The following HDAC4 variants were observed in gnomAD, a reference collection of about 807,000 sequenced individuals.
HDAC4 encodes histone deacetylase 4, also known as histone deacetylase A.
A neutral mutation model predicts 135.1 loss-of-function variants in HDAC4; 16 were observed. The ratio of observed to expected loss-of-function variants is 0.12; its 90% CI spans 0.08 to 0.18. The LOEUF (loss-of-function observed/expected upper bound fraction) is 0.18. HDAC4 is among the 10% of genes least tolerant of loss of function. The probability of loss-of-function intolerance (pLI) is 1.00; values close to 1 mark genes in which losing one functional copy is unlikely to be tolerated. For missense variants in HDAC4, 1,143 were observed against 1,511.8 expected (o/e 0.76, Z 4.05); for synonymous variants, 685 against 653.4 (o/e 1.05, Z -0.74).
At chr2:239,222,557 G>A (rs1329259725) in intron 3 of HDAC4, among the ~76,000 whole-genome samples, 1 of 146,522 alleles carries the variant, frequency 6.8e-6, no homozygotes, top group Non-Finnish European at 1.5e-5. Flanking sequence ...AAAAAAAATG[G>A]TGAAATGTGC....
intron 1 of HDAC4, among the ~76,000 whole-genome samples, chr2:239,387,992 T>C (rs947384420): frequency 1.3e-5 from 2 of 152,100 alleles, no homozygotes; most frequent in Non-Finnish European, 2.9e-5. Flanking sequence ...AGGACGGGTA[T>C]CCACGCCACA....
chr2:239,202,332 C>T (rs966175146), intron 3 of HDAC4, among the ~76,000 whole-genome samples: 1 of 152,184 alleles, frequency 6.6e-6, no homozygotes, highest in African/African-American at 2.4e-5. Flanking sequence ...GATAGAAAGA[C>T]CTGGTCTCTC....
At chr2:239,120,643 G>T (rs1042026765) in intron 12 of HDAC4, among the ~76,000 whole-genome samples, 6 of 148,866 alleles carry the variant, frequency 4.0e-5, no homozygotes, top group Non-Finnish European at 4.5e-5. Context: ...GAGGGGTGGG[G>T]GAGGAAGGCT....
intron 3 of HDAC4, among the ~76,000 whole-genome samples, chr2:239,227,079 C>G (rs892633855): frequency 6.6e-6 from 1 of 152,260 alleles, no homozygotes; most frequent in African/African-American, 2.4e-5. Context: ...GACAGCAAAG[C>G]TGACCCATCA....
intron 1 of HDAC4, among the ~76,000 whole-genome samples, chr2:239,396,008 G>A (rs1344804702): frequency 3.3e-5 from 5 of 152,038 alleles, no homozygotes; most frequent in Non-Finnish European, 5.9e-5. Flanking sequence ...CCAGGGTCTC[G>A]CTGTGTCACT....
intron 3 of HDAC4, among the ~76,000 whole-genome samples, chr2:239,207,844 C>T (rs1382104776): frequency 1.3e-5 from 2 of 152,104 alleles, no homozygotes; most frequent in African/African-American, 4.8e-5. Context: ...GATCCTGAGC[C>T]AATCCTATGA....
In HDAC4 at chr2:239,120,356, C is replaced by T. The variant is rs562958578; in HGVS notation, c.1534-5046G>A. Among the ~76,000 whole-genome samples the T allele has an allele frequency of 4.5e-3, 691 of 151,880 alleles. 5 individuals are homozygous for T. The highest frequency in any genetic ancestry group is 0.015 in the African/African-American group (634 of 41,318). On this transcript the variant is annotated intron_variant, in intron 12 of 26. Transcript: ENST00000543185. ...ACAGAGGCTCACATACAGATACATA[C>T]ACACACAGATACATATACCCGCAGA...
chr2:239,228,379 G>A (rs1020680939), intron 3 of HDAC4, among the ~76,000 whole-genome samples: 3 of 146,966 alleles, frequency 2.0e-5, no homozygotes, highest in African/African-American at 2.5e-5. Context: ...ATACTGAGCC[G>A]GAACGGGATG....
chr2:239,365,239 G>A (rs568744869), intron 1 of HDAC4, among the ~76,000 whole-genome samples: 14 of 152,278 alleles, frequency 9.2e-5, no homozygotes, highest in South Asian at 2.1e-4. Context: ...TATGATACGT[G>A]GCCACATGGC....
intron 12 of HDAC4, among the ~76,000 whole-genome samples, chr2:239,122,136 T>C (rs2039748808): frequency 6.6e-6 from 1 of 152,186 alleles, no homozygotes; most frequent in South Asian, 2.1e-4. Context: ...ACACTCGTAA[T>C]TAGACCACCC....
In HDAC4 at chr2:239,200,807, G is replaced by A. The variant is rs550744112; in HGVS notation, c.95-10730C>T. ...TGCATTCGACGCCGTGCTCGGAGTG[G>A]CGTTCTCGGTGCAGAGTTCTAGCAT... On this transcript the variant is annotated intron_variant, in intron 3 of 26. Coordinates refer to ENST00000543185, the MANE Select transcript of HDAC4 (RefSeq NM_001378414.1). Among the ~76,000 whole-genome samples the A allele has an allele frequency of 7.7e-4, 117 of 152,258 alleles. 1 individual carries two copies. Among genetic ancestry groups the A allele is most frequent in the Non-Finnish European group, 1.3e-3 (90 of 68,024 alleles).
chr2:239,197,929 A>ATG (rs2045510887), intron 3 of HDAC4, among the ~76,000 whole-genome samples: 5 of 149,146 alleles, frequency 3.4e-5, no homozygotes, highest in African/African-American at 1.2e-4. Flanking sequence ...TCTTGGCTCA[A>ATG]TACAACCTCC....
intron 2 of HDAC4, among the ~76,000 whole-genome samples, chr2:239,339,980 G>A (rs972548953): frequency 6.6e-6 from 1 of 152,230 alleles, no homozygotes; most frequent in South Asian, 2.1e-4. Flanking sequence ...GCTGAGTAGG[G>A]AGACATCAAG....
Position 239,306,210 on chromosome 2 carries a change from T to C in HDAC4, c.22+46468A>G, listed in dbSNP as rs1199684265. On this transcript the variant is annotated intron_variant, in intron 2 of 26. Coordinates refer to ENST00000543185, the MANE Select transcript of HDAC4 (RefSeq NM_001378414.1). This position sits in a 1 kb window ranked among gnomAD's most constrained non-coding sequence, Gnocchi z 4.5. ...GTCATTTTCCTGAATAGATCTGACTTCCACTTATTTTCCTATCATTTCCCA... is the reference window on the plus strand; with the variant it reads ...GTCATTTTCCTGAATAGATCTGACTCCCACTTATTTTCCTATCATTTCCCA... Among the ~76,000 whole-genome samples, 1 of 152,186 alleles carries C rather than the reference T, an allele frequency of 6.6e-6. No homozygotes were observed. Among genetic ancestry groups the C allele is most frequent in the Non-Finnish European group, 1.5e-5 (1 of 68,030 alleles).
chr2:239,376,645 A>G (rs1695031035), intron 1 of HDAC4, among the ~76,000 whole-genome samples: 1 of 152,254 alleles, frequency 6.6e-6, no homozygotes, highest in Admixed American at 6.5e-5. Flanking sequence ...CCATCCAGCC[A>G]CAGATTGCCC....
chr2:239,299,443 C>G lies in HDAC4; in HGVS notation c.22+53235G>C, dbSNP rs1224804359. On this transcript the variant is annotated intron_variant, in intron 2 of 26. Coordinates refer to ENST00000543185, the MANE Select transcript of HDAC4 (RefSeq NM_001378414.1). The surrounding 1 kb of genome is among the most constrained non-coding windows in gnomAD (Gnocchi z 4.0). ...GCTAATCTCAAGCAGATATTCTGAT[C>G]CCCTCGCACAACCACGGCACTGGGG... Among the ~76,000 whole-genome samples, 1 of 152,198 alleles carries G rather than the reference C, an allele frequency of 6.6e-6. No individual in the cohort carries two copies. The highest frequency in any genetic ancestry group is 6.5e-5 in the Admixed American group (1 of 15,282).
chr2:239,380,253 C>T (rs933831443), intron 1 of HDAC4, among the ~76,000 whole-genome samples: 5 of 152,152 alleles, frequency 3.3e-5, no homozygotes, highest in South Asian at 4.1e-4. Context: ...TTGGGTAAAT[C>T]GAGGATGGGC....
At chr2:239,391,483 A>T (rs924273091) in intron 1 of HDAC4, among the ~76,000 whole-genome samples, 3 of 152,098 alleles carry the variant, frequency 2.0e-5, no homozygotes, top group African/African-American at 7.2e-5. Flanking sequence ...CCTACTCCTC[A>T]TTCCTCCCAA....
At chr2:239,323,493 C>T (rs1425936381) in intron 2 of HDAC4, among the ~76,000 whole-genome samples, 1 of 152,164 alleles carries the variant, frequency 6.6e-6, no homozygotes. Flanking sequence ...TAATAAACTG[C>T]TTTCATCCAA....
Sources: gnomAD v4.1 joint callset for allele counts (sites outside exome capture counted in the v4.1 genomes callset) on GRCh38, gnomAD v4.1.1 for gene constraint, Gnocchi (gnomAD v3.1) non-coding constraint, MANE v1.5 for transcripts, NCBI Gene and HGNC (gene_info 2026-07-23, HGNC 2026-07-21) for gene names.